Variants in TSPEAR observed in about 807,000 individuals in gnomAD.
TSPEAR encodes thrombospondin type laminin G domain and EAR repeats, also known as thrombospondin-type laminin G domain and EAR repeat-containing protein.
TSPEAR carries 69 observed loss-of-function variants against 71.6 expected under a neutral mutation model. The observed-to-expected ratio is 0.96, with a 90% confidence interval of 0.79 to 1.18. The LOEUF (loss-of-function observed/expected upper bound fraction) is 1.18. Among genes scored for constraint, TSPEAR ranks in the 50% most tolerant of loss-of-function variants. TSPEAR has a pLI of 0.00. For missense variants in TSPEAR, 971 were observed against 894.9 expected (o/e 1.09, Z -1.09); for synonymous variants, 402 against 387.2 (o/e 1.04, Z -0.45).
intron 1 of TSPEAR, chr21:44,592,639 C>G: frequency 8.3e-7 from 1 of 1,207,012 alleles, no homozygotes; most frequent in Non-Finnish European, 1.1e-6. Flanking sequence ...GGTGTTTGTT[C>G]GCCCGTGATG....
At position 44,711,331 on chromosome 21, in the gene TSPEAR, C is replaced by T. The variant is rs554340466; in HGVS notation, c.82+102G>A. Reference sequence around the variant, plus strand: ...AGTCCTGCCAAAGCGTCCTCGGGCACCGCGGCTTGAATCAGTGTTAGAAAG... The same window carrying T: ...AGTCCTGCCAAAGCGTCCTCGGGCATCGCGGCTTGAATCAGTGTTAGAAAG... On this transcript the variant is annotated intron_variant, in intron 1 of 11. Transcript: ENST00000323084. The surrounding 1 kb of genome is among the most constrained non-coding windows in gnomAD (Gnocchi z 4.5). The T allele has an allele frequency of 1.2e-5, 13 of 1,118,162 alleles. No homozygotes were observed. In the South Asian group the frequency reaches 1.7e-4, roughly 15 times the overall value. 69.3% of individuals were successfully genotyped at this position (1,118,162 alleles called of 1,614,324 possible). A position where few individuals can be genotyped will look rare whatever the true frequency, so the allele number is the denominator to read the frequency against.
At chr21:44,700,022 G>A (rs1460415104) in intron 1 of TSPEAR, among the ~76,000 whole-genome samples, 2 of 152,182 alleles carry the variant, frequency 1.3e-5, no homozygotes, top group African/African-American at 4.8e-5. Context: ...TTGCTAAACA[G>A]CTCTGGGCCA....
chr21:44,696,431 A>G lies in TSPEAR; in HGVS notation c.82+15002T>C, dbSNP rs541206677. On this transcript the variant is annotated intron_variant, in intron 1 of 11. Coordinates refer to ENST00000323084, the MANE Select transcript of TSPEAR (RefSeq NM_144991.3). ...CCTTTTGCACAAGTTCTTCATTGTGACTCAGTTTCTCCATCTGTAGAGTGG... is the reference window on the plus strand; with the variant it reads ...CCTTTTGCACAAGTTCTTCATTGTGGCTCAGTTTCTCCATCTGTAGAGTGG... Among the ~76,000 whole-genome samples the G allele has an allele frequency of 8.5e-5, 13 of 152,238 alleles. 2 individuals are homozygous for G. The highest frequency in any genetic ancestry group is 3.1e-4 in the African/African-American group (13 of 41,534).
intron 1 of TSPEAR, chr21:44,580,652 GGAGT>G (rs376168064): frequency 6.1e-6 from 9 of 1,472,854 alleles, no homozygotes; most frequent in East Asian, 4.5e-5. Flanking sequence ...AGTGAAGGAG[GGAGT>G]GAGTGAGTGA....
chr21:44,697,842 G>T, intron 1 of TSPEAR: 1 of 1,604,148 alleles, frequency 6.2e-7, no homozygotes. Flanking sequence ...GTCCCCTCCT[G>T]CTGTGTCCCC....
chr21:44,574,122 C>T lies in TSPEAR; in HGVS notation c.83-6117G>A, dbSNP rs368485186. On this transcript the variant is annotated intron_variant, in intron 1 of 11. Coordinates refer to ENST00000323084, the MANE Select transcript of TSPEAR (RefSeq NM_144991.3). ...CTGCTGCAAGACTGTCTGCTGCAAG[C>T]CTGTGTGCTGTGTGCCCGTCTGCTG... The T allele has an allele frequency of 4.4e-6, 7 of 1,596,302 alleles. No homozygotes were observed. In the African/African-American group the frequency reaches 9.5e-5, roughly 22 times the overall value.
rs1465007083 is a variant in TSPEAR at position 44,710,514 on chromosome 21, G to A, written c.82+919C>T. Among the ~76,000 whole-genome samples the A allele has an allele frequency of 6.7e-6, 1 of 150,286 alleles. No individual in the cohort carries two copies. Among genetic ancestry groups the A allele is most frequent in the Admixed American group, 6.6e-5 (1 of 15,124 alleles). ...TGTCATCGGGATCTGAGTGCCATCC[G>A]AGCAGAGAGCTGTGGCCCGGTGCCG... On this transcript the variant is annotated intron_variant, in intron 1 of 11. Transcript: ENST00000323084. This position sits in a 1 kb window ranked among gnomAD's most constrained non-coding sequence, Gnocchi z 4.6.
chr21:44,601,363 G>T lies in TSPEAR; in HGVS notation c.83-33358C>A, dbSNP rs189556050. 4.6e-3 allele frequency: 7,337 copies of T among 1,608,956 alleles called. 34 individuals carry two copies. Among genetic ancestry groups the T allele is most frequent in the Non-Finnish European group, 4.9e-3 (5,738 of 1,178,672 alleles). On this transcript the variant is annotated intron_variant, in intron 1 of 11. Transcript: ENST00000323084. Reference sequence around the variant, plus strand: ...TGTGCCCACCTGCTCTGATGATTCCGGTTCATGCTGCCAGCCAGCTTGCTG... The same window carrying T: ...TGTGCCCACCTGCTCTGATGATTCCTGTTCATGCTGCCAGCCAGCTTGCTG...
intron 1 of TSPEAR, among the ~76,000 whole-genome samples, chr21:44,614,720 G>A (rs1450425545): frequency 2.6e-5 from 4 of 152,234 alleles, no homozygotes; most frequent in Non-Finnish European, 5.9e-5. Context: ...ACTCTGATGT[G>A]CTTGACTCCA....
intron 1 of TSPEAR, among the ~76,000 whole-genome samples, chr21:44,629,204 C>T (rs1158725320): frequency 1.3e-5 from 2 of 152,284 alleles, no homozygotes; most frequent in Non-Finnish European, 2.9e-5. Flanking sequence ...TTGGGGGCCT[C>T]GGCCATACCC....
At chr21:44,681,941 C>A in intron 1 of TSPEAR, 1 of 1,614,138 alleles carries the variant, frequency 6.2e-7, no homozygotes, top group Non-Finnish European at 8.5e-7. Context: ...ACACGACGGG[C>A]CTGCAGCTCA....
rs2838581 is a variant in TSPEAR, at chr21:44,529,758, A to G, written c.790+40T>C. The G allele has an allele frequency of 0.021, 34,458 of 1,611,338 alleles. 3,790 individuals carry two copies. In the African/African-American group the frequency reaches 0.29, roughly 14 times the overall value. On this transcript the variant is annotated intron_variant, in intron 5 of 11. Coordinates refer to ENST00000323084, the MANE Select transcript of TSPEAR (RefSeq NM_144991.3). The stretch of plus-strand genomic sequence containing the variant: ...CCTGGTGTGAGGCCAGGGCTCTCGC[A>G]TCTGCCTTTGGTGTGGGGGCGGGTG...
At chr21:44,641,489 C>T (rs457404) in intron 1 of TSPEAR, among the ~76,000 whole-genome samples, 1 of 152,102 alleles carries the variant, frequency 6.6e-6, no homozygotes, top group South Asian at 2.1e-4. Flanking sequence ...CCAAGAAGAG[C>T]CTGAGATCTG....
In TSPEAR at chr21:44,600,518, G is replaced by A. The variant is rs1415892352; in HGVS notation, c.83-32513C>T. On this transcript the variant is annotated intron_variant, in intron 1 of 11. Transcript: ENST00000323084. ...ACTCCAGCTGGGACAACAGACCAGG[G>A]AGACATATAAAAGCCAACATCCCTG... is the stretch of plus-strand genomic sequence containing the variant. 2.1e-5 allele frequency: 28 copies of A among 1,337,464 alleles called. No individual in the cohort carries two copies. In the African/African-American group the frequency reaches 2.3e-4, roughly 11 times the overall value. 82.8% of individuals were successfully genotyped at this position (1,337,464 alleles called of 1,614,324 possible). A position where few individuals can be genotyped will look rare whatever the true frequency, so the allele number is the denominator to read the frequency against.
intron 1 of TSPEAR, chr21:44,697,632 C>T: frequency 1.2e-6 from 2 of 1,613,990 alleles, no homozygotes; most frequent in Non-Finnish European, 8.5e-7. Flanking sequence ...TGCTGCATCT[C>T]CTCCCCGTGT....
chr21:44,507,658 C>T (rs1442070509), intron 10 of TSPEAR, among the ~76,000 whole-genome samples: 3 of 152,252 alleles, frequency 2.0e-5, no homozygotes, highest in Non-Finnish European at 2.9e-5. Context: ...AATCCCGAGG[C>T]GTCTGCCTCA....
chr21:44,549,988 G>A (rs1555918289), intron 2 of TSPEAR, among the ~76,000 whole-genome samples: 2 of 152,094 alleles, frequency 1.3e-5, no homozygotes, highest in African/African-American at 4.8e-5. Flanking sequence ...GACAGCTGGA[G>A]CCCAAGTCTC....
At chr21:44,513,717 G>A (rs587759587) in intron 9 of TSPEAR, among the ~76,000 whole-genome samples, 26 of 152,306 alleles carry the variant, frequency 1.7e-4, no homozygotes, top group African/African-American at 4.3e-4. Flanking sequence ...CTTGGGTTCC[G>A]GCTTTGATAG....
At chr21:44,574,621 C>G in intron 1 of TSPEAR, 1 of 1,293,720 alleles carries the variant, frequency 7.7e-7, no homozygotes, top group Admixed American at 2.6e-5. Flanking sequence ...TGCTCTGTGC[C>G]CATCTGCTCT....
Sources: gnomAD v4.1 joint callset for allele counts (sites outside exome capture counted in the v4.1 genomes callset) on GRCh38, gnomAD v4.1.1 for gene constraint, Gnocchi (gnomAD v3.1) non-coding constraint, MANE v1.5 for transcripts, NCBI Gene and HGNC (gene_info 2026-07-23, HGNC 2026-07-21) for gene names.